LOXHD1: variants seen among roughly 807,000 people sequenced by gnomAD.
LOXHD1 encodes the protein lipoxygenase homology domain-containing protein 1.
In LOXHD1, 205 loss-of-function variants were observed where a neutral mutation model predicts 248.2. The observed-to-expected ratio is 0.83, with a 90% CI of 0.74 to 0.93. LOXHD1 has a LOEUF of 0.93. Among genes scored for constraint, LOXHD1 ranks in the 40% least tolerant of loss-of-function variants. The pLI is 0.00. For synonymous variants in LOXHD1, 1,113 were observed against 1,162.8 expected (o/e 0.96, Z 0.87); for missense variants, 2,930 against 2,971.6 (o/e 0.99, Z 0.33).
chr18:46,498,084 T>G (rs960175175), intron 37 of LOXHD1, among the ~76,000 whole-genome samples: 1 of 152,222 alleles, frequency 6.6e-6, no homozygotes, highest in South Asian at 2.1e-4. Context: ...CCCCAAGTTA[T>G]TATCAAACTA....
Position 46,477,419 on chromosome 18 carries a change from G to A in LOXHD1, c.*53C>T. ...AGGGCTGCTGACCGCCAAGGTGGAG[G>A]GCAGAAATGTGAGATTGGGGCATCT... On this transcript the variant is annotated 3_prime_UTR_variant, in exon 41 of 41. Transcript: ENST00000642948. 6.5e-7 allele frequency: 1 copy of A among 1,531,616 alleles called. No individual in the cohort carries two copies. The highest frequency in any genetic ancestry group is 1.2e-5 in the South Asian group (1 of 80,964). The allele number at this position is 1,531,616 out of a possible 1,614,324, so 94.9% of individuals were successfully genotyped here. A position where few individuals can be genotyped will look rare whatever the true frequency, so the allele number is the denominator to read the frequency against.
intron 4 of LOXHD1, among the ~76,000 whole-genome samples, chr18:46,636,934 T>A (rs1465864606): frequency 6.6e-6 from 1 of 152,016 alleles, no homozygotes; most frequent in Non-Finnish European, 1.5e-5. Flanking sequence ...TCACCTGAGG[T>A]TGGGAGTTCG....
chr18:46,483,537 G>T, intron 40 of LOXHD1, 50 bp downstream of exon 40: 1 of 1,548,848 alleles, frequency 6.5e-7, no homozygotes. Flanking sequence ...CTCAGTCCCT[G>T]CCCCATGCTG....
At chr18:46,545,184 G>A (rs1252688090) in intron 23 of LOXHD1, 133 bp downstream of exon 23, 6 of 664,120 alleles carry the variant, frequency 9.0e-6, no homozygotes, top group South Asian at 2.0e-5. Context: ...TGCCTTTCTC[G>A]ATGGGGCTAA....
At chr18:46,576,812 A>G (rs1448497719) in intron 14 of LOXHD1, among the ~76,000 whole-genome samples, 1 of 152,158 alleles carries the variant, frequency 6.6e-6, no homozygotes, top group Non-Finnish European at 1.5e-5. Context: ...ATTCAGCTGC[A>G]GCAGATGTGT....
intron 5 of LOXHD1, among the ~76,000 whole-genome samples, chr18:46,613,150 A>T (rs28819414): frequency 1.3e-5 from 2 of 152,100 alleles, no homozygotes; most frequent in East Asian, 3.8e-4. Context: ...TTAAGATTTC[A>T]ACTGAAATTG....
intron 1 of LOXHD1, among the ~76,000 whole-genome samples, chr18:46,654,360 A>T (rs2039152118): frequency 6.6e-6 from 1 of 152,228 alleles, no homozygotes; most frequent in Admixed American, 6.5e-5. Flanking sequence ...ATCCCAACAG[A>T]TGCTGGGGGA....
intron 13 of LOXHD1, 73 bp downstream of exon 13, chr18:46,579,557 G>A: frequency 6.5e-7 from 1 of 1,539,250 alleles, no homozygotes; most frequent in East Asian, 2.4e-5. Context: ...CTTTAACAGG[G>A]CAGGGAAGAC....
intron 6 of LOXHD1, among the ~76,000 whole-genome samples, chr18:46,608,736 C>T (rs17769999): frequency 0.043 from 6,546 of 152,300 alleles, 193 homozygotes; most frequent in Middle Eastern, 0.092. Flanking sequence ...AGGCTTGCTG[C>T]TCTTAGGACC....
intron 4 of LOXHD1, among the ~76,000 whole-genome samples, chr18:46,620,064 T>C (rs1029132756): frequency 6.6e-6 from 1 of 152,134 alleles, no homozygotes; most frequent in Admixed American, 6.5e-5. Flanking sequence ...CTGGCAGGTG[T>C]TAAACGGGCA....
chr18:46,625,262 T>C (rs769075770), intron 4 of LOXHD1, among the ~76,000 whole-genome samples: 1 of 152,192 alleles, frequency 6.6e-6, no homozygotes, highest in Non-Finnish European at 1.5e-5. Flanking sequence ...GTTGTTCCTT[T>C]AGCAACTAAC....
chr18:46,545,463 C>A, intron 22 of LOXHD1, 42 bp from the exon 23 acceptor site: 1 of 1,456,086 alleles, frequency 6.9e-7, no homozygotes, highest in South Asian at 1.2e-5. Context: ...GTAGACTGTT[C>A]CTTTCATGAA....
intron 31 of LOXHD1, among the ~76,000 whole-genome samples, chr18:46,522,847 A>G (rs929708535): frequency 6.6e-6 from 1 of 152,222 alleles, no homozygotes; most frequent in African/African-American, 2.4e-5. Flanking sequence ...GGTAGTGTCC[A>G]TAGAGTTGTA....
chr18:46,590,715 G>A (rs1484587200), intron 12 of LOXHD1, among the ~76,000 whole-genome samples: 1 of 152,150 alleles, frequency 6.6e-6, no homozygotes, highest in Non-Finnish European at 1.5e-5. Flanking sequence ...AAAAGGCAGG[G>A]TGATGATTTG....
At chr18:46,599,102 G>GGAAC (rs1361169560) in intron 8 of LOXHD1, among the ~76,000 whole-genome samples, 2 of 152,134 alleles carry the variant, frequency 1.3e-5, no homozygotes, top group African/African-American at 4.8e-5. Flanking sequence ...CTAAATAAAT[G>GGAAC]GAACAGACTA....
chr18:46,576,330 C>G (rs1488233401), intron 14 of LOXHD1, among the ~76,000 whole-genome samples: 2 of 152,118 alleles, frequency 1.3e-5, no homozygotes, highest in African/African-American at 4.8e-5. Flanking sequence ...TTCCCCCACA[C>G]CCCGCTTCCC....
chr18:46,522,444 C>G (rs1025501855), intron 31 of LOXHD1, 135 bp from the exon 32 acceptor site: 5 of 682,794 alleles, frequency 7.3e-6, no homozygotes, highest in Admixed American at 2.6e-5. Flanking sequence ...TGCAGTGAGC[C>G]CTTCAGACTG....
At chr18:46,551,765 T>C (rs1033993802) in intron 21 of LOXHD1, among the ~76,000 whole-genome samples, 4 of 152,202 alleles carry the variant, frequency 2.6e-5, no homozygotes, top group Admixed American at 2.6e-4. Flanking sequence ...TGTGAGGCTG[T>C]GTGCAGAGCC....
At position 46,546,862 on chromosome 18, in the gene LOXHD1, C is replaced by A. The variant is rs950918056; in HGVS notation, c.3514+33G>T. The A allele has an allele frequency of 1.3e-4, 194 of 1,536,748 alleles. 1 individual carries two copies. The East Asian group carries it at 4.7e-3, about 38-fold the overall frequency. On this transcript the variant is annotated intron_variant, in intron 22 of 40. Transcript: ENST00000642948. ...TAGGGAGAGGCAGAGGGGAGGGGTG[C>A]TGGAGAAAGAAATCAGCTCTAGTTT... is the stretch of plus-strand genomic sequence containing the variant.
Sources: gnomAD v4.1 joint callset for allele counts (sites outside exome capture counted in the v4.1 genomes callset) on GRCh38, gnomAD v4.1.1 for gene constraint, MANE v1.5 for transcripts, NCBI Gene and HGNC (gene_info 2026-07-23, HGNC 2026-07-21) for gene names.